The following SLC4A10 variants were observed in gnomAD, a reference collection of about 807,000 sequenced individuals.
SLC4A10 encodes solute carrier family 4 member 10, also known as sodium-driven chloride bicarbonate exchanger.
Under a neutral mutation model 137.7 loss-of-function variants are expected in SLC4A10, and 42 were observed. The observed-to-expected ratio is 0.30, with a 90% CI of 0.24 to 0.39. SLC4A10 has a LOEUF of 0.39. SLC4A10 is among the 10% of genes least tolerant of loss of function. The pLI is 1.00. For synonymous variants in SLC4A10, 474 were observed against 464.1 expected (o/e 1.02, Z -0.27); for missense variants, 925 against 1,355.0 (o/e 0.68, Z 4.98).
In SLC4A10 at chr2:161,983,880, C is replaced by G. The variant is rs895418412; in HGVS notation, c.*728C>G. ...AGTTAAGTAGTATTTGCTTAAAATT[C>G]AAGTTGTGACTAATGATCAAATACT... is the stretch of plus-strand genomic sequence containing the variant. On this transcript the variant is annotated 3_prime_UTR_variant, in exon 27 of 27. Transcript: ENST00000446997. 3.2e-4 allele frequency: 49 copies of G among 152,280 alleles called. No homozygotes were observed. Among genetic ancestry groups the G allele is most frequent in the African/African-American group, 1.2e-3 (48 of 41,552 alleles). 9.4% of individuals were successfully genotyped at this position (152,280 alleles called of 1,614,324 possible).
intron 1 of SLC4A10, among the ~76,000 whole-genome samples, chr2:161,696,708 A>G (rs1234557610): frequency 6.6e-6 from 1 of 151,968 alleles, no homozygotes; most frequent in Non-Finnish European, 1.5e-5. Flanking sequence ...TCTATCATTG[A>G]TGGACATTTG....
At chr2:161,652,202 A>G (rs1404977120) in intron 1 of SLC4A10, among the ~76,000 whole-genome samples, 2 of 152,136 alleles carry the variant, frequency 1.3e-5, no homozygotes, top group African/African-American at 4.8e-5. Context: ...CTCATTCATT[A>G]TTTGTACTTT....
chr2:161,887,492 G>A (rs917166327), intron 10 of SLC4A10, among the ~76,000 whole-genome samples: 1 of 152,038 alleles, frequency 6.6e-6, no homozygotes. Flanking sequence ...ACTTTTTAAT[G>A]ATTGCCGTTG....
intron 1 of SLC4A10, among the ~76,000 whole-genome samples, chr2:161,766,647 G>C (rs1241494196): frequency 6.6e-6 from 1 of 151,906 alleles, no homozygotes; most frequent in Non-Finnish European, 1.5e-5. Context: ...TAATAAATTT[G>C]CTTTGTAAAT....
intron 1 of SLC4A10, among the ~76,000 whole-genome samples, chr2:161,627,507 G>A (rs1334000309): frequency 6.6e-6 from 1 of 152,062 alleles, no homozygotes; most frequent in Non-Finnish European, 1.5e-5. Context: ...TATTAATCCT[G>A]ACTCAAGTGA....
At chr2:161,743,776 C>CAT (rs1207908466) in intron 1 of SLC4A10, among the ~76,000 whole-genome samples, 1 of 152,116 alleles carries the variant, frequency 6.6e-6, no homozygotes, top group East Asian at 1.9e-4. Context: ...GAACATGGAA[C>CAT]ATCTTTCCAT....
chr2:161,945,228 ATATATATT>A (rs1174202820), intron 16 of SLC4A10, among the ~76,000 whole-genome samples: 21 of 107,532 alleles, frequency 2.0e-4, no homozygotes, highest in African/African-American at 5.3e-4. Context: ...ATATATATAT[ATATATATT>A]TGTCAGTATC....
intron 3 of SLC4A10, among the ~76,000 whole-genome samples, chr2:161,836,717 T>G (rs1220665976): frequency 6.7e-6 from 1 of 149,134 alleles, no homozygotes; most frequent in African/African-American, 2.5e-5. Context: ...GGATAAATGC[T>G]AAAATAAACA....
chr2:161,926,639 G>A (rs1227418364), intron 15 of SLC4A10, among the ~76,000 whole-genome samples: 13 of 141,096 alleles, frequency 9.2e-5, no homozygotes, highest in Non-Finnish European at 1.9e-4. Context: ...ACTTGATGCA[G>A]TTACTTCCTA....
chr2:161,673,467 G>A (rs1469974119), intron 1 of SLC4A10, among the ~76,000 whole-genome samples: 2 of 152,078 alleles, frequency 1.3e-5, no homozygotes, highest in Non-Finnish European at 2.9e-5. Flanking sequence ...GAGGGAAGGG[G>A]AAGAATAAAT....
chr2:161,773,426 A>G (rs914148390), intron 2 of SLC4A10, among the ~76,000 whole-genome samples: 5 of 151,934 alleles, frequency 3.3e-5, no homozygotes, highest in Non-Finnish European at 5.9e-5. Flanking sequence ...GAAAAGAACA[A>G]AACTCCAAAG....
chr2:161,760,914 A>ACACACACACCC (rs1280566315), intron 1 of SLC4A10, among the ~76,000 whole-genome samples: 2 of 151,868 alleles, frequency 1.3e-5, no homozygotes, highest in African/African-American at 4.8e-5. Context: ...ATGTATCTAT[A>ACACACACACCC]CACACACACC....
At chr2:161,911,598 C>T (rs952310078) in intron 15 of SLC4A10, among the ~76,000 whole-genome samples, 2 of 152,030 alleles carry the variant, frequency 1.3e-5, no homozygotes, top group African/African-American at 4.8e-5. Flanking sequence ...TCCAGAATTG[C>T]TTGCAACATA....
chr2:161,801,201 A>G (rs2055330251), intron 2 of SLC4A10, among the ~76,000 whole-genome samples: 1 of 151,868 alleles, frequency 6.6e-6, no homozygotes, highest in Admixed American at 6.6e-5. Flanking sequence ...AATCATTGTT[A>G]CCATATTTCT....
At chr2:161,924,661 G>A (rs1334042029) in intron 15 of SLC4A10, among the ~76,000 whole-genome samples, 1 of 152,138 alleles carries the variant, frequency 6.6e-6, no homozygotes, top group Admixed American at 6.6e-5. Context: ...AGGCACGTAG[G>A]TAACTAACGT....
intron 4 of SLC4A10, among the ~76,000 whole-genome samples, chr2:161,840,354 C>T (rs2059106527): frequency 6.6e-6 from 1 of 152,076 alleles, no homozygotes; most frequent in Non-Finnish European, 1.5e-5. Flanking sequence ...TGTGCTCTTT[C>T]ATGAGGATAA....
chr2:161,791,663 G>A (rs2054229727), intron 2 of SLC4A10, among the ~76,000 whole-genome samples: 1 of 152,096 alleles, frequency 6.6e-6, no homozygotes, highest in African/African-American at 2.4e-5. Flanking sequence ...AATTACTTTT[G>A]TTCCAGAATT....
chr2:161,775,634 T>G (rs1239106121), intron 2 of SLC4A10, among the ~76,000 whole-genome samples: 1 of 151,862 alleles, frequency 6.6e-6, no homozygotes, highest in Non-Finnish European at 1.5e-5. Flanking sequence ...GGTGGATGCA[T>G]GAAGAGGTGA....
chr2:161,960,815 G>C, intron 21 of SLC4A10, among the ~76,000 whole-genome samples: 1 of 152,124 alleles, frequency 6.6e-6, no homozygotes, highest in East Asian at 1.9e-4. Context: ...AAGGGGCAAG[G>C]AAGTTTTCTC....
Sources: allele counts gnomAD v4.1 joint callset (sites outside exome capture counted in the v4.1 genomes callset), GRCh38; gene constraint gnomAD v4.1.1; transcripts MANE v1.5; gene names NCBI Gene and HGNC (gene_info 2026-07-23, HGNC 2026-07-21).